Variants in KPNA3 observed in about 807,000 individuals in gnomAD.
KPNA3 encodes importin subunit alpha-4.
KPNA3 carries 13 observed loss-of-function variants against 73.8 expected under a neutral mutation model. That is an observed-to-expected ratio of 0.18 (90% CI 0.11 to 0.28). The LOEUF (loss-of-function observed/expected upper bound fraction) is 0.28. Among genes scored for constraint, KPNA3 ranks in the 10% least tolerant of loss-of-function variants. KPNA3 has a pLI of 1.00. For synonymous variants in KPNA3, 186 were observed against 206.9 expected (o/e 0.90, Z 0.87); for missense variants, 360 against 618.1 (o/e 0.58, Z 4.43).
At chr13:49,714,016 A>C (rs1385619378) in intron 10 of KPNA3, among the ~76,000 whole-genome samples, 1 of 152,166 alleles carries the variant, frequency 6.6e-6, no homozygotes, top group Non-Finnish European at 1.5e-5. Flanking sequence ...AACTCAACAA[A>C]ATTTCTAAAA....
chr13:49,783,886 C>T (rs1954960638), intron 1 of KPNA3, among the ~76,000 whole-genome samples: 2 of 152,162 alleles, frequency 1.3e-5, no homozygotes, highest in African/African-American at 4.8e-5. Flanking sequence ...TTCTAAGGTA[C>T]ACACTACCAC....
At chr13:49,719,869 G>T in intron 9 of KPNA3, 50 bp from the exon 10 acceptor site, 1 of 1,209,558 alleles carries the variant, frequency 8.3e-7, no homozygotes, top group Non-Finnish European at 1.2e-6. Flanking sequence ...TAATATGTCT[G>T]TAAAAATGAA....
chr13:49,719,838 C>T lies in KPNA3; in HGVS notation c.727-19G>A, dbSNP rs1223948546. The T allele has an allele frequency of 1.4e-6, 2 of 1,465,938 alleles. No individual in the cohort carries two copies. The highest frequency in any genetic ancestry group is 1.9e-6 in the Non-Finnish European group (2 of 1,048,418). The allele number at this position is 1,465,938 out of a possible 1,614,324, so 90.8% of individuals were successfully genotyped here. On this transcript the variant is annotated intron_variant, in intron 9 of 16. Transcript: ENST00000261667. The stretch of plus-strand genomic sequence containing the variant: ...GCAAAATCTGAGGAAAGAAAATAAA[C>T]AATACTTAACATTAGTTAATTAATA...
intron 2 of KPNA3, among the ~76,000 whole-genome samples, chr13:49,746,094 A>G (rs1306131250): frequency 6.6e-6 from 1 of 151,770 alleles, no homozygotes; most frequent in Non-Finnish European, 1.5e-5. Context: ...AGAAACGTGT[A>G]AAGAAAGAGA....
intron 2 of KPNA3, among the ~76,000 whole-genome samples, chr13:49,742,068 A>G (rs1022133093): frequency 6.6e-6 from 1 of 152,156 alleles, no homozygotes; most frequent in African/African-American, 2.4e-5. Context: ...TGATTTTTGT[A>G]TATGGTGTGA....
chr13:49,790,843 G>T (rs1955027180), intron 1 of KPNA3, among the ~76,000 whole-genome samples: 1 of 152,158 alleles, frequency 6.6e-6, no homozygotes, highest in South Asian at 2.1e-4. Context: ...GAATGTTACT[G>T]GTTTTTCTGT....
intron 1 of KPNA3, among the ~76,000 whole-genome samples, chr13:49,754,006 G>A (rs922610901): frequency 6.6e-6 from 1 of 152,168 alleles, no homozygotes; most frequent in Non-Finnish European, 1.5e-5. Flanking sequence ...ATGAAATACT[G>A]AGTAAGTGGG....
chr13:49,772,111 C>T (rs972425708), intron 1 of KPNA3, among the ~76,000 whole-genome samples: 1 of 152,184 alleles, frequency 6.6e-6, no homozygotes, highest in Non-Finnish European at 1.5e-5. Context: ...AAGATCATAT[C>T]ATTTGCAAAT....
At chr13:49,706,008 A>G (rs963576519) in intron 14 of KPNA3, 90 bp downstream of exon 14, 2 of 1,220,540 alleles carry the variant, frequency 1.6e-6, no homozygotes, top group African/African-American at 3.1e-5. Flanking sequence ...CCCCAAAAAG[A>G]ACACAATACA....
At position 49,792,520 on chromosome 13, in the gene KPNA3, TCCG is replaced by T. The variant is rs1955044051; in HGVS notation, c.-17_-15del. The T allele has an allele frequency of 3.3e-6, 5 of 1,531,654 alleles. No homozygotes were observed. Among genetic ancestry groups the T allele is most frequent in the East Asian group, 6.0e-5 (2 of 33,400 alleles). The allele number at this position is 1,531,654 out of a possible 1,614,324, so 94.9% of individuals were successfully genotyped here. A position where few individuals can be genotyped will look rare whatever the true frequency, so the allele number is the denominator to read the frequency against. ...GTTCTCGGCCATGGCTGCGCGCGGCTCCGGCGGCGGCTACTCCTGCGGCTGCGG... is the reference window on the plus strand; with the variant it reads ...GTTCTCGGCCATGGCTGCGCGCGGCTGCGGCGGCTACTCCTGCGGCTGCGG... On this transcript the variant is annotated 5_prime_UTR_variant, in exon 1 of 17. Transcript: ENST00000261667.
intron 1 of KPNA3, among the ~76,000 whole-genome samples, chr13:49,768,182 G>C (rs1460151583): frequency 6.6e-6 from 1 of 151,508 alleles, no homozygotes; most frequent in African/African-American, 2.4e-5. Flanking sequence ...AGGAGGGTGA[G>C]GCAGGAAAAT....
intron 1 of KPNA3, among the ~76,000 whole-genome samples, chr13:49,767,299 C>T (rs1306140555): frequency 2.0e-5 from 3 of 151,314 alleles, no homozygotes; most frequent in Non-Finnish European, 4.4e-5. Context: ...CGCCTGTAGT[C>T]GCAGCTACTC....
intron 1 of KPNA3, among the ~76,000 whole-genome samples, chr13:49,786,432 T>C (rs945062548): frequency 1.3e-5 from 2 of 152,142 alleles, no homozygotes; most frequent in African/African-American, 4.8e-5. Context: ...AGGAAAAGAA[T>C]AGGGACTGAT....
chr13:49,722,180 GA>G, intron 8 of KPNA3, 56 bp from the exon 9 acceptor site: 1 of 1,223,350 alleles, frequency 8.2e-7, no homozygotes, highest in South Asian at 1.9e-5. Context: ...GAGAAAGTCT[GA>G]AATGTATGCA....
chr13:49,755,929 A>G lies in KPNA3; in HGVS notation c.70-8936T>C, dbSNP rs77542277. Among the ~76,000 whole-genome samples the G allele has an allele frequency of 0.048, 7,259 of 152,330 alleles. 839 individuals carry two copies. The East Asian group carries it at 0.49, about 10-fold the overall frequency. On this transcript the variant is annotated intron_variant, in intron 1 of 16. Coordinates refer to ENST00000261667, the MANE Select transcript of KPNA3 (RefSeq NM_002267.4). ...ACAGAATACAACATAAAAATCAATT[A>G]TATTTCTATATACTAGCAATGAACA... is the stretch of plus-strand genomic sequence containing the variant.
intron 1 of KPNA3, among the ~76,000 whole-genome samples, chr13:49,762,142 CGGGA>C (rs1390425594): frequency 8.5e-6 from 1 of 117,538 alleles, no homozygotes; most frequent in Non-Finnish European, 1.6e-5. Context: ...CCTCCCCGTC[CGGGA>C]GGGAGGTGGG....
chr13:49,722,601 T>C, intron 7 of KPNA3, 38 bp from the exon 8 acceptor site: 2 of 1,280,110 alleles, frequency 1.6e-6, no homozygotes, highest in African/African-American at 1.5e-5. Flanking sequence ...ACTAGCAACA[T>C]GTTGAAGAGT....
At chr13:49,788,617 G>A (rs1955003920) in intron 1 of KPNA3, among the ~76,000 whole-genome samples, 1 of 151,994 alleles carries the variant, frequency 6.6e-6, no homozygotes. Context: ...TACTCAAGAG[G>A]CTGAGATGGA....
At chr13:49,754,997 A>T (rs1446212223) in intron 1 of KPNA3, among the ~76,000 whole-genome samples, 1 of 152,114 alleles carries the variant, frequency 6.6e-6, no homozygotes, top group Non-Finnish European at 1.5e-5. Flanking sequence ...AGATGGGTAC[A>T]CTTCTCAATT....
Sources: gnomAD v4.1 joint callset for allele counts (sites outside exome capture counted in the v4.1 genomes callset) on GRCh38, gnomAD v4.1.1 for gene constraint, MANE v1.5 for transcripts, NCBI Gene and HGNC (gene_info 2026-07-23, HGNC 2026-07-21) for gene names.